Variants in PSIP1 observed in about 807,000 individuals in gnomAD.
The protein encoded by PSIP1 is PC4 and SFRS1-interacting protein.
Under a neutral mutation model 74.7 loss-of-function variants are expected in PSIP1, and 19 were observed. The observed-to-expected ratio is 0.25, with a 90% CI of 0.18 to 0.37. The LOEUF (loss-of-function observed/expected upper bound fraction) is 0.37, where lower values mean the gene tolerates loss of function less well. PSIP1 is among the 10% of genes least tolerant of loss of function. The probability of loss-of-function intolerance (pLI) is 1.00; values close to 1 mark genes in which losing one functional copy is unlikely to be tolerated. For missense variants in PSIP1, 601 were observed against 614.3 expected (o/e 0.98, Z 0.23); for synonymous variants, 222 against 195.3 (o/e 1.14, Z -1.14).
chr9:15,475,481 T>C (rs879401610), intron 8 of PSIP1, among the ~76,000 whole-genome samples: 1 of 152,120 alleles, frequency 6.6e-6, no homozygotes, highest in Non-Finnish European at 1.5e-5. Flanking sequence ...AAAATACAAA[T>C]ACCATTTGAC....
intron 15 of PSIP1, 111 bp from the exon 16 acceptor site, chr9:15,465,691 A>G (rs2035576486): frequency 1.2e-6 from 1 of 845,016 alleles, no homozygotes; most frequent in Non-Finnish European, 1.8e-6. Flanking sequence ...ACTGAAACCA[A>G]CCAAACAAAA....
chr9:15,493,281 G>T (rs1177791057), intron 3 of PSIP1, among the ~76,000 whole-genome samples: 1 of 152,158 alleles, frequency 6.6e-6, no homozygotes, highest in Non-Finnish European at 1.5e-5. Context: ...CTAGAGCAGA[G>T]CAAGAGTGAT....
intron 8 of PSIP1, among the ~76,000 whole-genome samples, chr9:15,474,537 CGG>C (rs2035993364): frequency 6.6e-6 from 1 of 152,126 alleles, no homozygotes; most frequent in Non-Finnish European, 1.5e-5. Flanking sequence ...AAATCAAATA[CGG>C]TCGTTTTAGA....
intron 8 of PSIP1, among the ~76,000 whole-genome samples, chr9:15,474,599 A>G (rs2035996270): frequency 6.6e-6 from 1 of 152,202 alleles, no homozygotes; most frequent in South Asian, 2.1e-4. Flanking sequence ...AGCATATGAT[A>G]AATATATAGC....
intron 3 of PSIP1, among the ~76,000 whole-genome samples, chr9:15,493,783 C>T (rs1473486487): frequency 6.6e-6 from 1 of 152,166 alleles, no homozygotes; most frequent in South Asian, 2.1e-4. Flanking sequence ...ATCACCATAA[C>T]AGCATTTGGG....
At chr9:15,487,624 A>C (rs1329838926) in intron 4 of PSIP1, among the ~76,000 whole-genome samples, 1 of 152,196 alleles carries the variant, frequency 6.6e-6, no homozygotes, top group Non-Finnish European at 1.5e-5. Context: ...AACAAAAAAG[A>C]AATTACAAGA....
chr9:15,480,232 T>A (rs115876459), intron 6 of PSIP1, among the ~76,000 whole-genome samples: 1 of 152,150 alleles, frequency 6.6e-6, no homozygotes, highest in East Asian at 1.9e-4. Flanking sequence ...AGCATTAGAA[T>A]GGAACAAAGG....
At chr9:15,477,533 T>C (rs999409269) in intron 8 of PSIP1, among the ~76,000 whole-genome samples, 1 of 152,126 alleles carries the variant, frequency 6.6e-6, no homozygotes. Context: ...CAAAACAATG[T>C]AAATCTATGC....
intron 15 of PSIP1, chr9:15,465,849 C>G (rs1431935231): frequency 1.2e-5 from 4 of 340,302 alleles, no homozygotes. Context: ...CCCTTTCCAT[C>G]ATTTCTAGCA....
chr9:15,485,985 T>A (rs773261678), intron 6 of PSIP1, 21 bp downstream of exon 6: 1 of 1,576,832 alleles, frequency 6.3e-7, no homozygotes, highest in Non-Finnish European at 8.7e-7. Context: ...ATCCCCATGG[T>A]TGGTAAGTCA....
At position 15,483,498 on chromosome 9, in the gene PSIP1, T is replaced by C. The variant is rs570570103; in HGVS notation, c.456+2508A>G. ...CATGCCAACTCCTTAGAAAGGCCTT[T>C]TGTAGCCTAGTCTGTTGCCAACTCA... On this transcript the variant is annotated intron_variant, in intron 6 of 15. Transcript: ENST00000380733. 2.3e-3 allele frequency among the ~76,000 whole-genome samples: 344 copies of C among 152,296 alleles called. 2 individuals carry two copies. The highest frequency in any genetic ancestry group is 7.8e-3 in the African/African-American group (323 of 41,562).
intron 3 of PSIP1, among the ~76,000 whole-genome samples, chr9:15,503,727 T>C (rs1005265528): frequency 6.6e-5 from 10 of 151,700 alleles, no homozygotes; most frequent in Non-Finnish European, 1.5e-5. Context: ...ATCAGAGACC[T>C]AGTTTCCAAA....
chr9:15,498,307 T>C (rs1050703719), intron 3 of PSIP1, among the ~76,000 whole-genome samples: 1 of 152,042 alleles, frequency 6.6e-6, no homozygotes, highest in African/African-American at 2.4e-5. Context: ...TCCCAGCCAC[T>C]AGGAAGCCTG....
intron 3 of PSIP1, among the ~76,000 whole-genome samples, chr9:15,503,107 C>T (rs1195096731): frequency 6.6e-6 from 1 of 152,232 alleles, no homozygotes; most frequent in African/African-American, 2.4e-5. Flanking sequence ...AGGCTCATAC[C>T]TGTAATCCCA....
At chr9:15,493,940 C>T (rs953820757) in intron 3 of PSIP1, among the ~76,000 whole-genome samples, 15 of 152,150 alleles carry the variant, frequency 9.9e-5, no homozygotes, top group African/African-American at 3.6e-4. Flanking sequence ...TATTTAGATA[C>T]ATTATCCAGG....
Position 15,510,319 on chromosome 9 carries a change from C to G in PSIP1, c.-131G>C, listed in dbSNP as rs1327084626. The stretch of plus-strand genomic sequence containing the variant: ...CGGGGGAGGATGCCTCGGGGCGTCC[C>G]GACGCGCCTGCTAGGGAGAGCACCG... On this transcript the variant is annotated 5_prime_UTR_variant, in exon 2 of 16. Transcript: ENST00000380733. 12 of 573,278 alleles carry G rather than the reference C, an allele frequency of 2.1e-5. No homozygotes were observed. The highest frequency in any genetic ancestry group is 8.1e-5 in the African/African-American group (4 of 49,430). The allele number at this position is 573,278 out of a possible 1,614,324, so 35.5% of individuals were successfully genotyped here.
At chr9:15,472,500 T>G in intron 10 of PSIP1, 132 bp downstream of exon 10, 1 of 1,429,182 alleles carries the variant, frequency 7.0e-7, no homozygotes, top group Non-Finnish European at 9.1e-7. Context: ...ATATTGAAGA[T>G]TTTTCTAACA....
intron 9 of PSIP1, 73 bp downstream of exon 9, chr9:15,473,936 A>G: frequency 1.0e-6 from 1 of 978,998 alleles, no homozygotes; most frequent in Non-Finnish European, 1.4e-6. Flanking sequence ...ACAAAAAAAA[A>G]ACAAAGAAAA....
chr9:15,499,677 C>T (rs2037240966), intron 3 of PSIP1, among the ~76,000 whole-genome samples: 1 of 152,008 alleles, frequency 6.6e-6, no homozygotes, highest in African/African-American at 2.4e-5. Flanking sequence ...AGTTCAAGAC[C>T]CGCCTGGCCA....
Sources: allele counts gnomAD v4.1 joint callset (sites outside exome capture counted in the v4.1 genomes callset), GRCh38; gene constraint gnomAD v4.1.1; transcripts MANE v1.5; gene names NCBI Gene and HGNC (gene_info 2026-07-23, HGNC 2026-07-21).